Variants in MYSM1 observed in about 807,000 individuals in gnomAD.
MYSM1 encodes the protein deubiquitinase MYSM1.
MYSM1 carries 51 observed loss-of-function variants against 116.0 expected under a neutral mutation model. The ratio of observed to expected loss-of-function variants is 0.44; its 90% confidence interval spans 0.35 to 0.56. MYSM1 has a LOEUF of 0.56. Ranked by LOEUF, MYSM1 falls within the 20% of genes least tolerant of loss-of-function variation. The pLI is 0.00. For missense variants in MYSM1, 900 were observed against 974.9 expected, an observed-to-expected ratio of 0.92 and a Z score of 1.02; for synonymous variants, 313 against 315.2, an observed-to-expected ratio of 0.99 and a Z score of 0.07.
chr1:58,662,273 T>C (rs1644404362), intron 17 of MYSM1, among the ~76,000 whole-genome samples: 1 of 152,100 alleles, frequency 6.6e-6, no homozygotes, highest in South Asian at 2.1e-4. Context: ...CGATGAGTTA[T>C]CTTAGCAATT....
intron 12 of MYSM1, among the ~76,000 whole-genome samples, chr1:58,669,241 T>G (rs919777089): frequency 1.3e-5 from 2 of 151,842 alleles, no homozygotes; most frequent in African/African-American, 4.8e-5. Context: ...CCAGGAACTT[T>G]GAGATAAAGT....
intron 9 of MYSM1, 102 bp downstream of exon 9, chr1:58,676,824 A>G: frequency 1.6e-6 from 2 of 1,227,638 alleles, no homozygotes; most frequent in East Asian, 2.7e-5. Context: ...TCTGAATTCT[A>G]TATACCTATA....
rs896248066 is a variant in MYSM1, at chr1:58,659,511, T to A, written c.*486A>T. 2.6e-5 allele frequency: 4 copies of A among 152,192 alleles called. No homozygotes were observed. Among genetic ancestry groups the A allele is most frequent in the African/African-American group, 9.6e-5 (4 of 41,458 alleles). 9.4% of individuals were successfully genotyped at this position (152,192 alleles called of 1,614,324 possible). ...CCTGGTCTCCTGTTAGATTTATTAA[T>A]CAGTAGTTCTAAACCATATTAATTA... On this transcript the variant is annotated 3_prime_UTR_variant, in exon 20 of 20. Transcript: ENST00000472487.
intron 8 of MYSM1, among the ~76,000 whole-genome samples, chr1:58,680,073 C>T (rs1644716361): frequency 1.3e-5 from 2 of 150,496 alleles, no homozygotes; most frequent in Admixed American, 1.3e-4. Context: ...TACTCCTGAC[C>T]AATATGGACA....
chr1:58,678,298 A>G (rs1644684501), intron 8 of MYSM1, among the ~76,000 whole-genome samples: 1 of 152,182 alleles, frequency 6.6e-6, no homozygotes, highest in Admixed American at 6.5e-5. Flanking sequence ...CAAGAAAATG[A>G]AACAAAATTG....
intron 1 of MYSM1, among the ~76,000 whole-genome samples, chr1:58,697,213 G>A (rs1347417455): frequency 6.6e-6 from 1 of 151,432 alleles, no homozygotes; most frequent in African/African-American, 2.4e-5. Flanking sequence ...GTGACTGGGT[G>A]TGTGTAGGTG....
At chr1:58,691,494 A>C (rs1250915601) in intron 3 of MYSM1, among the ~76,000 whole-genome samples, 5 of 152,192 alleles carry the variant, frequency 3.3e-5, no homozygotes, top group Non-Finnish European at 4.4e-5. Context: ...GACAGTGGCC[A>C]CCAACCACAT....
At chr1:58,698,084 C>CTATACATATATATATA (rs1645004790) in intron 1 of MYSM1, among the ~76,000 whole-genome samples, 1 of 31,406 alleles carries the variant, frequency 3.2e-5, no homozygotes, top group Non-Finnish European at 6.2e-5. Flanking sequence ...ATTTATCAGA[C>CTATACATATATATATA]TATATATATA....
At chr1:58,690,615 C>T (rs187133392) in intron 3 of MYSM1, among the ~76,000 whole-genome samples, 198 bp from the exon 4 acceptor site, 12 of 152,112 alleles carry the variant, frequency 7.9e-5, no homozygotes, top group African/African-American at 2.9e-4. Flanking sequence ...TGGCCCAGGA[C>T]GGCTTCAAAT....
chr1:58,686,199 A>G (rs1474499730), intron 6 of MYSM1, among the ~76,000 whole-genome samples: 1 of 151,964 alleles, frequency 6.6e-6, no homozygotes, highest in African/African-American at 2.4e-5. Flanking sequence ...ACGTCATAAC[A>G]CTGAAGCTGT....
intron 6 of MYSM1, among the ~76,000 whole-genome samples, chr1:58,686,491 C>T (rs1042201587): frequency 6.6e-6 from 1 of 152,156 alleles, no homozygotes; most frequent in Non-Finnish European, 1.5e-5. Context: ...GGCAGTCATG[C>T]CTTACGGTAG....
At chr1:58,689,243 A>C (rs1427755524) in intron 5 of MYSM1, 127 bp from the exon 6 acceptor site, 5 of 674,716 alleles carry the variant, frequency 7.4e-6, no homozygotes, top group Non-Finnish European at 1.2e-5. Context: ...AAAAATAAAC[A>C]AACAAACAAA....
chr1:58,673,503 C>T, intron 11 of MYSM1, 70 bp downstream of exon 11: 1 of 1,204,262 alleles, frequency 8.3e-7, no homozygotes, highest in Non-Finnish European at 1.2e-6. Context: ...ATACATATGA[C>T]ATTAAGATGT....
In MYSM1 at chr1:58,660,040, T is replaced by C. The variant is rs2100582561; in HGVS notation, c.2444A>G (p.Asn815Ser). The C allele has an allele frequency of 1.9e-6, 3 of 1,608,512 alleles. No individual in the cohort carries two copies. The highest frequency in any genetic ancestry group is 2.2e-5 in the East Asian group (1 of 44,734). The part of the protein sequence containing the change: ...FLSNYKSNQE[N>S]GVTEENCTKE... ...TGTACAGTTCTCTTCGGTTACTCCA[T>C]TCTCTTGGTTGCTTTTATAATTGGA... The change falls in exon 20 of 20, where the codon AAT becomes AGT. Residue 815 changes from asparagine (N) to serine (S), a missense_variant. By Grantham distance (46) the Asn-to-Ser change is conservative. Transcript: ENST00000472487.
chr1:58,684,543 C>T lies in MYSM1; in HGVS notation c.498+610G>A, dbSNP rs6664782. Among the ~76,000 whole-genome samples the T allele has an allele frequency of 1.9e-3, 267 of 141,984 alleles. 1 individual carries two copies. The highest frequency in any genetic ancestry group is 6.9e-3 in the African/African-American group (258 of 37,552). 93.1% of individuals were successfully genotyped at this position (141,984 alleles called of 152,430 possible). ...TCGCACCACTGCACTCCAGCCTGGG[C>T]GACAGAGCAAGACTCTGTCTCAAAA... On this transcript the variant is annotated intron_variant, in intron 7 of 19. Coordinates refer to ENST00000472487, the MANE Select transcript of MYSM1 (RefSeq NM_001085487.3).
chr1:58,668,729 A>G (rs1557508378), intron 13 of MYSM1, 47 bp from the exon 14 acceptor site: 1 of 1,541,252 alleles, frequency 6.5e-7, no homozygotes, highest in Admixed American at 2.0e-5. Context: ...AAAAATAGAG[A>G]TTTTTGTTTT....
intron 6 of MYSM1, among the ~76,000 whole-genome samples, chr1:58,688,328 T>C (rs1644857996): frequency 6.6e-6 from 1 of 151,632 alleles, no homozygotes; most frequent in Non-Finnish European, 1.5e-5. Context: ...ATGTAATGTA[T>C]AAATATACAT....
intron 8 of MYSM1, among the ~76,000 whole-genome samples, chr1:58,680,438 A>C (rs944820093): frequency 1.3e-5 from 2 of 152,246 alleles, no homozygotes; most frequent in African/African-American, 4.8e-5. Flanking sequence ...ATGTAAAGTC[A>C]GGAGTTGTTC....
intron 16 of MYSM1, among the ~76,000 whole-genome samples, chr1:58,666,609 A>G (rs1052905180): frequency 1.5e-5 from 2 of 134,494 alleles, no homozygotes; most frequent in African/African-American, 5.6e-5. Context: ...GTGGTGGCTC[A>G]TGCCTATAAT....
Sources: allele counts gnomAD v4.1 joint callset (sites outside exome capture counted in the v4.1 genomes callset), GRCh38; gene constraint gnomAD v4.1.1; transcripts MANE v1.5; gene names NCBI Gene and HGNC (gene_info 2026-07-23, HGNC 2026-07-21).